Variants in CADPS2 observed in about 807,000 individuals in gnomAD.
CADPS2 encodes the protein calcium dependent secretion activator 2, also known as calcium-dependent secretion activator 2.
CADPS2 carries 93 observed loss-of-function variants against 172.5 expected under a neutral mutation model. The observed-to-expected ratio is 0.54, with a 90% CI of 0.46 to 0.64. The LOEUF is 0.64. Ranked by LOEUF, CADPS2 falls within the 30% of genes least tolerant of loss-of-function variation. The probability of loss-of-function intolerance (pLI) is 0.00; values close to 1 mark genes in which losing one functional copy is unlikely to be tolerated. For synonymous variants in CADPS2, 546 were observed against 555.2 expected (o/e 0.98, Z 0.23); for missense variants, 1,420 against 1,565.9 (o/e 0.91, Z 1.57).
chr7:122,795,708 T>C (rs1796225603), intron 1 of CADPS2, among the ~76,000 whole-genome samples: 1 of 152,148 alleles, frequency 6.6e-6, no homozygotes, highest in Non-Finnish European at 1.5e-5. Flanking sequence ...TGAAGGACTA[T>C]ACCTCAAAAT....
At chr7:122,490,373 T>C in intron 10 of CADPS2, 92 bp from the exon 11 acceptor site, 1 of 913,112 alleles carries the variant, frequency 1.1e-6, no homozygotes, top group Non-Finnish European at 1.7e-6. Flanking sequence ...AAAGAATGGC[T>C]TTGATATTAG....
rs546994142 is a variant in CADPS2 at position 122,487,102 on chromosome 7, T to A, written c.1852+2979A>T. 1.5e-3 allele frequency among the ~76,000 whole-genome samples: 211 copies of A among 141,122 alleles called. 2 individuals carry two copies. The highest frequency in any genetic ancestry group is 5.3e-3 in the African/African-American group (199 of 37,698). The allele number at this position is 141,122 out of a possible 152,430, so 92.6% of individuals were successfully genotyped here. On this transcript the variant is annotated intron_variant, in intron 11 of 29. Coordinates refer to ENST00000449022, the MANE Select transcript of CADPS2 (RefSeq NM_017954.11). ...GCTATTTCACTGCAACCTCCACCCCTCGGGTTCAAGCAGTTCTCCTACTTC... is the reference window on the plus strand; with the variant it reads ...GCTATTTCACTGCAACCTCCACCCCACGGGTTCAAGCAGTTCTCCTACTTC...
At chr7:122,828,762 TCC>T (rs1182707311) in intron 1 of CADPS2, among the ~76,000 whole-genome samples, 1 of 152,182 alleles carries the variant, frequency 6.6e-6, no homozygotes, top group African/African-American at 2.4e-5. Flanking sequence ...GACTGTTTTT[TCC>T]CCTTTTACTT....
At chr7:122,425,425 CAAAAAAAAA>C (rs71159797) in intron 17 of CADPS2, among the ~76,000 whole-genome samples, 2 of 72,678 alleles carry the variant, frequency 2.8e-5, no homozygotes, top group Non-Finnish European at 5.3e-5. Context: ...CTATCTCTAC[CAAAAAAAAA>C]AAAAAAAAAA....
chr7:122,373,649 G>T (rs922995066), intron 25 of CADPS2, among the ~76,000 whole-genome samples: 1 of 152,006 alleles, frequency 6.6e-6, no homozygotes, highest in Non-Finnish European at 1.5e-5. Flanking sequence ...CCAATGTAAG[G>T]CTACAGGGAT....
At chr7:122,521,950 T>A (rs1230546487) in intron 8 of CADPS2, among the ~76,000 whole-genome samples, 1 of 152,070 alleles carries the variant, frequency 6.6e-6, no homozygotes, top group Non-Finnish European at 1.5e-5. Flanking sequence ...AGTATAAAAC[T>A]ATACTAAAAA....
intron 7 of CADPS2, among the ~76,000 whole-genome samples, chr7:122,556,798 C>T (rs1173861039): frequency 6.6e-6 from 1 of 152,158 alleles, no homozygotes; most frequent in Non-Finnish European, 1.5e-5. Context: ...GAATGGCTCA[C>T]ATCTCTCAAG....
intron 19 of CADPS2, among the ~76,000 whole-genome samples, chr7:122,410,319 G>C (rs1264818770): frequency 6.6e-6 from 1 of 151,984 alleles, no homozygotes; most frequent in Non-Finnish European, 1.5e-5. Context: ...ACTCCAGCCT[G>C]GGTGACAGAG....
intron 1 of CADPS2, among the ~76,000 whole-genome samples, chr7:122,822,237 T>C (rs934836289): frequency 1.3e-4 from 19 of 151,918 alleles, no homozygotes; most frequent in African/African-American, 4.6e-4. Context: ...CTTAGACCTT[T>C]TATACCTGTT....
chr7:122,786,640 T>C (rs1794106758), intron 1 of CADPS2, among the ~76,000 whole-genome samples: 1 of 152,110 alleles, frequency 6.6e-6, no homozygotes, highest in Admixed American at 6.5e-5. Flanking sequence ...GAGATGTAAA[T>C]TTTTTTACTA....
intron 6 of CADPS2, among the ~76,000 whole-genome samples, chr7:122,600,289 G>C (rs1169109076): frequency 1.3e-5 from 2 of 152,080 alleles, no homozygotes; most frequent in African/African-American, 4.8e-5. Flanking sequence ...GTGTAAACAA[G>C]TTTCTCTTTC....
chr7:122,706,262 ATATATATGTTTATATATT>A, intron 2 of CADPS2, among the ~76,000 whole-genome samples: 3 of 20,096 alleles, frequency 1.5e-4, no homozygotes, highest in Admixed American at 8.9e-4. Flanking sequence ...TTCAAGGAAT[ATATATATGTTTATATATT>A]CAAGGAATAT....
rs1473458886 is a variant in CADPS2 at position 122,490,315 on chromosome 7, T to C, written c.1652-34A>G. ...GAAACAAAAAGACATCATTAAAAATTTATAGGATTGGCAGATTTTCGTCTC... is the reference window on the plus strand; with the variant it reads ...GAAACAAAAAGACATCATTAAAAATCTATAGGATTGGCAGATTTTCGTCTC... On this transcript the variant is annotated intron_variant, in intron 10 of 29. Transcript: ENST00000449022. 3 of 1,595,602 alleles carry C rather than the reference T, an allele frequency of 1.9e-6. No individual in the cohort carries two copies. The East Asian group carries it at 6.7e-5, about 36-fold the overall frequency.
intron 17 of CADPS2, among the ~76,000 whole-genome samples, chr7:122,434,782 GT>G (rs1276324313): frequency 6.2e-4 from 95 of 152,296 alleles, no homozygotes; most frequent in African/African-American, 2.1e-3. Flanking sequence ...CATAACCCTT[GT>G]TCATTCCTGT....
At chr7:122,764,883 A>G (rs568234015) in intron 1 of CADPS2, among the ~76,000 whole-genome samples, 3 of 152,142 alleles carry the variant, frequency 2.0e-5, no homozygotes, top group Admixed American at 1.3e-4. Flanking sequence ...TATTTTCCCC[A>G]TCTACAAAAT....
At chr7:122,789,461 T>C (rs1254988050) in intron 1 of CADPS2, among the ~76,000 whole-genome samples, 2 of 152,170 alleles carry the variant, frequency 1.3e-5, no homozygotes, top group African/African-American at 4.8e-5. Context: ...GCAAGAGTCT[T>C]GCAAGGGATA....
intron 8 of CADPS2, among the ~76,000 whole-genome samples, chr7:122,553,789 C>A (rs776339763): frequency 2.0e-5 from 3 of 152,190 alleles, no homozygotes; most frequent in Non-Finnish European, 4.4e-5. Flanking sequence ...ACTTCAACAA[C>A]TGCTTTTCTC....
At chr7:122,701,674 T>C (rs539382906) in intron 2 of CADPS2, 35 of 458,206 alleles carry the variant, frequency 7.6e-5, no homozygotes, top group Middle Eastern at 5.1e-4. Flanking sequence ...TAGCTGGGCA[T>C]GATAAGGAGT....
chr7:122,859,190 A>C (rs1816213392), intron 1 of CADPS2, among the ~76,000 whole-genome samples: 1 of 152,216 alleles, frequency 6.6e-6, no homozygotes, highest in African/African-American at 2.4e-5. Context: ...AATTAATTGA[A>C]AGTTTATATT....
Sources: allele counts gnomAD v4.1 joint callset (sites outside exome capture counted in the v4.1 genomes callset), GRCh38; gene constraint gnomAD v4.1.1; transcripts MANE v1.5; gene names NCBI Gene and HGNC (gene_info 2026-07-23, HGNC 2026-07-21).